The following MAN2A2 variants were observed in gnomAD, a reference collection of about 807,000 sequenced individuals.
The protein encoded by MAN2A2 is alpha-mannosidase 2x.
A neutral mutation model predicts 126.8 loss-of-function variants in MAN2A2; 79 were observed. The ratio of observed to expected loss-of-function variants is 0.62; its 90% confidence interval spans 0.52 to 0.75. The LOEUF (loss-of-function observed/expected upper bound fraction) is 0.75, where lower values mean the gene tolerates loss of function less well. Among genes scored for constraint, MAN2A2 ranks in the 30% least tolerant of loss-of-function variants. The pLI is 0.00. For synonymous variants in MAN2A2, 671 were observed against 618.7 expected (o/e 1.08, Z -1.25); for missense variants, 1,392 against 1,522.4 (o/e 0.91, Z 1.43).
intron 4 of MAN2A2, 24 bp downstream of exon 4, chr15:90,905,747 G>A (rs767916507): frequency 1.2e-6 from 2 of 1,612,456 alleles, no homozygotes; most frequent in Non-Finnish European, 1.7e-6. Context: ...AGACTCCTGG[G>A]AGCTGGAGTG....
At chr15:90,906,267 A>G (rs893123593) in intron 5 of MAN2A2, 103 bp from the exon 6 acceptor site, 2 of 1,477,700 alleles carry the variant, frequency 1.4e-6, no homozygotes, top group South Asian at 1.2e-5. Context: ...GGATTGGGAG[A>G]ACTGGTCCAG....
In MAN2A2 at chr15:90,905,287, C is replaced by G. The variant is rs148927370; in HGVS notation, c.169C>G (p.Leu57Val). The change falls in exon 3 of 23, where the codon CTG becomes GTG. Residue 57 changes from leucine to valine, a missense_variant. Transcript: ENST00000559717. ...ISVLQNRIEQ[L>V]EQLLEENHEI... ...TGTGCTGCAGAACCGCATTGAGCAGCTGGAGCAGCTTTTGGAGGAGAACCA... is the reference window on the plus strand; with the variant it reads ...TGTGCTGCAGAACCGCATTGAGCAGGTGGAGCAGCTTTTGGAGGAGAACCA... The G allele has an allele frequency of 7.4e-6, 12 of 1,613,600 alleles. No homozygotes were observed. Among genetic ancestry groups the G allele is most frequent in the African/African-American group, 5.3e-5 (4 of 74,932 alleles).
chr15:90,906,016 G>A lies in MAN2A2; in HGVS notation c.707G>A (p.Arg236Lys). The A allele has an allele frequency of 6.2e-7, 1 of 1,613,784 alleles. No homozygotes were observed. Among genetic ancestry groups the A allele is most frequent in the Non-Finnish European group, 8.5e-7 (1 of 1,180,028 alleles). ...INVQKRAAVR[R>K]LVGNGQLEIA... ...GTCCAAAAGAGAGCGGCAGTCCGAA[G>A]GCCAGTACCAGGCGGGGAGGCATGG... Residue 236 changes from arginine (R) to lysine (K), a missense_variant and splice_region_variant, in exon 5 of 23, where the codon AGG becomes AAG. Coordinates refer to ENST00000559717, the MANE Select transcript of MAN2A2 (RefSeq NM_006122.4).
At chr15:90,911,890 G>A (rs1027686349) in intron 14 of MAN2A2, 153 bp from the exon 15 acceptor site, 4 of 694,370 alleles carry the variant, frequency 5.8e-6, no homozygotes, top group Admixed American at 4.7e-5. Flanking sequence ...TGATGAGGAA[G>A]AAAGGGCAAA....
intron 20 of MAN2A2, 81 bp from the exon 21 acceptor site, chr15:90,918,113 T>G: frequency 7.5e-7 from 1 of 1,341,222 alleles, no homozygotes; most frequent in Non-Finnish European, 1.0e-6. Flanking sequence ...ACAACTGACC[T>G]GGGTGTGCTT....
At chr15:90,906,600 G>T in intron 6 of MAN2A2, 103 bp downstream of exon 6, 1 of 1,585,112 alleles carries the variant, frequency 6.3e-7, no homozygotes, top group South Asian at 1.1e-5. Context: ...TTTCTAGGCA[G>T]ATCCCACCAT....
At chr15:90,913,561 T>C (rs2034938571) in intron 18 of MAN2A2, 53 bp from the exon 19 acceptor site, 1 of 1,581,638 alleles carries the variant, frequency 6.3e-7, no homozygotes, top group Non-Finnish European at 8.6e-7. Flanking sequence ...TGGGGACCGC[T>C]TGGGCCCACA....
chr15:90,916,373 G>C (rs1354089397), intron 20 of MAN2A2, 117 bp downstream of exon 20: 5 of 1,380,310 alleles, frequency 3.6e-6, no homozygotes, highest in African/African-American at 1.4e-5. Flanking sequence ...AGAGAGAGTA[G>C]GGCTGAATTC....
intron 9 of MAN2A2, 28 bp downstream of exon 9, chr15:90,909,532 G>A (rs1433230420): frequency 2.5e-6 from 4 of 1,595,468 alleles, no homozygotes; most frequent in Non-Finnish European, 3.4e-6. Context: ...CTGGGGAGGG[G>A]CCTCACAGTG....
intron 10 of MAN2A2, 29 bp downstream of exon 10, chr15:90,910,321 G>C (rs2034622974): frequency 6.2e-7 from 1 of 1,611,462 alleles, no homozygotes; most frequent in Non-Finnish European, 8.5e-7. Context: ...TTCCAGGCTG[G>C]AGGGGGAGAG....
chr15:90,918,706 G>A lies in MAN2A2; in HGVS notation c.3251G>A (p.Gly1084Asp). The change falls in exon 22 of 23, where the codon GGC (glycine) becomes GAC (aspartate). Residue 1084 changes from glycine (G) to aspartate (D), a missense_variant. Physicochemically the swap from Gly to Asp is moderately conservative, Grantham distance 94 (BLOSUM62 -1). Transcript: ENST00000559717. ...TTACACCGCAAGGGTTTTGACTGCG[G>A]CCTGGAGGCCAAGAACTTGGGCTTC... ...LILHRKGFDC[G>D]LEAKNLGFNC... is the part of the protein sequence containing the mutation. The A allele has an allele frequency of 1.3e-6, 2 of 1,521,820 alleles. No homozygotes were observed. Among genetic ancestry groups the A allele is most frequent in the Non-Finnish European group, 1.8e-6 (2 of 1,096,388 alleles). 94.3% of individuals were successfully genotyped at this position (1,521,820 alleles called of 1,614,324 possible).
chr15:90,911,205 A>C lies in MAN2A2; in HGVS notation c.1910A>C (p.Glu637Ala). ...CGCTTAAGTCACGACGCCCTCCCAG[A>C]GCGCACGGTGATCCAGCTGGATTCC... Reference protein sequence around the residue: ...DTRLSHDALPERTVIQLDSSP... With the variant: ...DTRLSHDALPARTVIQLDSSP... Residue 637 changes from glutamate to alanine, a missense_variant, in exon 13 of 23, where the codon GAG becomes GCG. Transcript: ENST00000559717. The C allele has an allele frequency of 3.1e-6, 5 of 1,614,044 alleles. No individual in the cohort carries two copies. Among genetic ancestry groups the C allele is most frequent in the Non-Finnish European group, 4.2e-6 (5 of 1,179,996 alleles).
Position 90,905,845 on chromosome 15 carries a change from G to T in MAN2A2, c.536G>T (p.Gly179Val). The change falls in exon 5 of 23, where the codon GGC (glycine) becomes GTC (valine). Residue 179 changes from glycine (G) to valine (V), a missense_variant and splice_region_variant. Transcript: ENST00000559717. ...FVVPHSHNDP[G>V]WIKTFDKYYT... Reference sequence around the variant, plus strand: ...AGGGGACCCTACATTGGCTCCCTAGGCTGGATCAAGACCTTTGACAAGTAC... The same window carrying T: ...AGGGGACCCTACATTGGCTCCCTAGTCTGGATCAAGACCTTTGACAAGTAC... 1 of 1,573,462 alleles carries T rather than the reference G, an allele frequency of 6.4e-7. No individual in the cohort carries two copies. Among genetic ancestry groups the T allele is most frequent in the Non-Finnish European group, 8.6e-7 (1 of 1,159,062 alleles).
chr15:90,910,532 G>A lies in MAN2A2; in HGVS notation c.1609G>A (p.Ala537Thr), dbSNP rs766548113. 4 of 1,614,068 alleles carry A rather than the reference G, an allele frequency of 2.5e-6. No homozygotes were observed. The South Asian group carries it at 4.4e-5, about 18-fold the overall frequency. The change falls in exon 11 of 23, where the codon GCT (alanine) becomes ACT (threonine). Residue 537 changes from alanine (A) to threonine (T), a missense_variant. Coordinates refer to ENST00000559717, the MANE Select transcript of MAN2A2 (RefSeq NM_006122.4). ...GAEVLYSLAA[A>T]HARRSGLAGR... is the part of the protein sequence containing the mutation. ...AGAGGTTCTGTACAGCCTGGCTGCA[G>A]CTCACGCTCGCCGCTCTGGTCTGGC...
At position 90,921,343 on chromosome 15, in the gene MAN2A2, A is replaced by C. The variant is rs564252922; in HGVS notation, c.*1556A>C. 1 of 152,206 alleles carries C rather than the reference A, an allele frequency of 6.6e-6. No homozygotes were observed. The highest frequency in any genetic ancestry group is 6.5e-5 in the Admixed American group (1 of 15,272). 9.4% of individuals were successfully genotyped at this position (152,206 alleles called of 1,614,324 possible). On this transcript the variant is annotated 3_prime_UTR_variant, in exon 23 of 23. Coordinates refer to ENST00000559717, the MANE Select transcript of MAN2A2 (RefSeq NM_006122.4). Reference sequence around the variant, plus strand: ...TTGAAACTTTGGAATTGACAGTTCTAAAGTGCATTTGGGAGAGTGAATGTG... The same window carrying C: ...TTGAAACTTTGGAATTGACAGTTCTCAAGTGCATTTGGGAGAGTGAATGTG...
At chr15:90,907,218 A>G in intron 7 of MAN2A2, 91 bp from the exon 8 acceptor site, 3 of 1,320,608 alleles carry the variant, frequency 2.3e-6, no homozygotes, top group East Asian at 2.3e-5. Context: ...CTCGCGGTCT[A>G]TCAGGGCTGC....
At chr15:90,904,074 C>T (rs1162747295) in intron 1 of MAN2A2, 116 bp from the exon 2 acceptor site, 2 of 1,165,730 alleles carry the variant, frequency 1.7e-6, no homozygotes, top group Non-Finnish European at 2.6e-6. Flanking sequence ...CTACTTGGAG[C>T]CAGGCAAATG....
rs560349559 is a variant in MAN2A2, at chr15:90,915,802, C to G, written c.2861-321C>G. ...TTCTGGTTTATTTTGTTGTATGTAA[C>G]CCGTCCTGATTCGGTTTCCTGCCTG... On this transcript the variant is annotated intron_variant, in intron 19 of 22. Coordinates refer to ENST00000559717, the MANE Select transcript of MAN2A2 (RefSeq NM_006122.4). 3.3e-5 allele frequency among the ~76,000 whole-genome samples: 5 copies of G among 152,352 alleles called. No homozygotes were observed. The East Asian group carries it at 9.6e-4, about 29-fold the overall frequency.
chr15:90,906,682 C>CG, intron 6 of MAN2A2, 58 bp from the exon 7 acceptor site: 1 of 1,591,314 alleles, frequency 6.3e-7, no homozygotes. Context: ...CCTGGAAGGC[C>CG]GGGGGGCCAG....
Sources: allele counts gnomAD v4.1 joint callset (sites outside exome capture counted in the v4.1 genomes callset), GRCh38; gene constraint gnomAD v4.1.1; transcripts MANE v1.5; gene names NCBI Gene and HGNC (gene_info 2026-07-23, HGNC 2026-07-21).